Variants in PHACTR3 observed in about 807,000 individuals in gnomAD.
PHACTR3 encodes the protein protein phosphatase 1, regulatory subunit 123.
In PHACTR3, 16 loss-of-function variants were observed where a neutral mutation model predicts 66.8. The observed-to-expected ratio is 0.24, with a 90% CI of 0.16 to 0.36. The LOEUF (loss-of-function observed/expected upper bound fraction) is 0.36. PHACTR3 is among the 10% of genes least tolerant of loss of function. The probability of loss-of-function intolerance (pLI) is 1.00; values close to 1 mark genes in which losing one functional copy is unlikely to be tolerated. For missense variants in PHACTR3, 647 were observed against 719.9 expected (o/e 0.90, Z 1.16); for synonymous variants, 323 against 292.1 (o/e 1.11, Z -1.08).
intron 1 of PHACTR3, among the ~76,000 whole-genome samples, chr20:59,686,539 A>C (rs1231833716): frequency 1.3e-5 from 2 of 149,308 alleles, no homozygotes; most frequent in African/African-American, 4.9e-5. Flanking sequence ...GGTGATGATG[A>C]TGGTCGTGAT....
chr20:59,629,047 C>A (rs1164292264), intron 1 of PHACTR3, among the ~76,000 whole-genome samples: 1 of 152,164 alleles, frequency 6.6e-6, no homozygotes. Context: ...AGCACTTTTG[C>A]TGTTTTTTCA....
intron 7 of PHACTR3, among the ~76,000 whole-genome samples, chr20:59,779,603 TTCTCCCTC>T (rs754936644): frequency 2.8e-4 from 43 of 152,378 alleles, no homozygotes; most frequent in South Asian, 2.1e-3. Flanking sequence ...TATTCATTTA[TTCTCCCTC>T]TCTCCCTCTC....
At chr20:59,641,203 T>C (rs546664956) in intron 1 of PHACTR3, among the ~76,000 whole-genome samples, 35 of 152,304 alleles carry the variant, frequency 2.3e-4, no homozygotes, top group Middle Eastern at 6.8e-3. Flanking sequence ...GTATCTATCA[T>C]CTATCCATTC....
intron 1 of PHACTR3, among the ~76,000 whole-genome samples, chr20:59,692,881 T>A (rs900321777): frequency 6.6e-6 from 1 of 152,226 alleles, no homozygotes; most frequent in Non-Finnish European, 1.5e-5. Flanking sequence ...ATAAAACTTT[T>A]GGGGCATTGT....
At chr20:59,778,085 G>A (rs1601333748) in intron 7 of PHACTR3, among the ~76,000 whole-genome samples, 1 of 152,166 alleles carries the variant, frequency 6.6e-6, no homozygotes, top group Non-Finnish European at 1.5e-5. Flanking sequence ...TCCCCTTGGA[G>A]CAGTTCGCGG....
At chr20:59,781,462 G>C (rs541753673) in intron 7 of PHACTR3, among the ~76,000 whole-genome samples, 1 of 152,160 alleles carries the variant, frequency 6.6e-6, no homozygotes, top group African/African-American at 2.4e-5. Context: ...GCTGCCTTTC[G>C]GTAGCTCACA....
intron 1 of PHACTR3, among the ~76,000 whole-genome samples, chr20:59,688,367 C>T (rs1394917434): frequency 6.6e-6 from 1 of 152,162 alleles, no homozygotes; most frequent in Non-Finnish European, 1.5e-5. Flanking sequence ...AAGCCTCTCC[C>T]CCTTATCCCT....
chr20:59,578,974 C>T (rs1468104384), intron 1 of PHACTR3, among the ~76,000 whole-genome samples: 1 of 152,174 alleles, frequency 6.6e-6, no homozygotes, highest in Non-Finnish European at 1.5e-5. Flanking sequence ...GATGAGGCCC[C>T]TCTAGGGTGC....
chr20:59,646,462 T>G (rs2035283866), intron 1 of PHACTR3, among the ~76,000 whole-genome samples: 1 of 152,166 alleles, frequency 6.6e-6, no homozygotes, highest in Admixed American at 6.5e-5. Context: ...AGTTTTTCCC[T>G]GTCAAAAGAA....
At chr20:59,758,979 G>T (rs112657456) in intron 4 of PHACTR3, among the ~76,000 whole-genome samples, 1 of 152,126 alleles carries the variant, frequency 6.6e-6, no homozygotes. Context: ...TGCTACTGTA[G>T]CATCACTGTT....
chr20:59,629,372 C>T (rs1004008100), intron 1 of PHACTR3, among the ~76,000 whole-genome samples: 2 of 152,224 alleles, frequency 1.3e-5, no homozygotes, highest in Admixed American at 1.3e-4. Context: ...TTCCCCTTCT[C>T]CCTCCGCTGT....
intron 1 of PHACTR3, chr20:59,628,595 T>G (rs1002496225): frequency 1.0e-6 from 1 of 984,868 alleles, no homozygotes; most frequent in Admixed American, 6.1e-5. Flanking sequence ...CGAGTTCTGT[T>G]TGACAAAATT....
At chr20:59,718,943 C>G (rs1479463192) in intron 1 of PHACTR3, among the ~76,000 whole-genome samples, 1 of 152,256 alleles carries the variant, frequency 6.6e-6, no homozygotes, top group Non-Finnish European at 1.5e-5. Context: ...CAAGTGGTGG[C>G]AAGCCCCTCC....
chr20:59,847,124 G>C lies in PHACTR3; in HGVS notation c.1674G>C (p.Arg558Ser). 1 of 1,518,076 alleles carries C rather than the reference G, an allele frequency of 6.6e-7. No individual in the cohort carries two copies. The highest frequency in any genetic ancestry group is 9.1e-7 in the Non-Finnish European group (1 of 1,099,642). 94.0% of individuals were successfully genotyped at this position (1,518,076 alleles called of 1,614,324 possible). ...ASSKHLTRFH[R>S]P Reference sequence around the variant, plus strand: ...TTTTTATAATCTCTAGATTCCACAGGCCATAGAGATTTTCTTCTGAGAAGA... The same window carrying C: ...TTTTTATAATCTCTAGATTCCACAGCCCATAGAGATTTTCTTCTGAGAAGA... Residue 558 changes from arginine to serine, a missense_variant, in exon 13 of 13, where the codon AGG (arginine) becomes AGC (serine). Physicochemically the swap from Arg to Ser is moderately radical, Grantham distance 110 (BLOSUM62 -1). Coordinates refer to ENST00000371015, the MANE Select transcript of PHACTR3 (RefSeq NM_080672.5).
chr20:59,702,732 C>G (rs1477419315), intron 1 of PHACTR3, among the ~76,000 whole-genome samples: 2 of 152,216 alleles, frequency 1.3e-5, no homozygotes, highest in African/African-American at 4.8e-5. Context: ...ATTAGTCTGA[C>G]TACTCCAGTG....
chr20:59,767,052 A>T, intron 4 of PHACTR3, 134 bp from the exon 5 acceptor site: 1 of 764,002 alleles, frequency 1.3e-6, no homozygotes, highest in Non-Finnish European at 2.2e-6. Context: ...GCAGGAAGTC[A>T]AGTGCCTGTG....
At chr20:59,780,787 TG>T (rs2040698937) in intron 7 of PHACTR3, among the ~76,000 whole-genome samples, 1 of 152,208 alleles carries the variant, frequency 6.6e-6, no homozygotes, top group Non-Finnish European at 1.5e-5. Context: ...TTTCTAGCTC[TG>T]TGACCTTGGA....
At chr20:59,635,149 T>TCC (rs1276267237) in intron 1 of PHACTR3, among the ~76,000 whole-genome samples, 1 of 60,378 alleles carries the variant, frequency 1.7e-5, no homozygotes, top group Non-Finnish European at 3.1e-5. Context: ...CTTTCTTTCT[T>TCC]TTTCTTTCTT....
At chr20:59,758,899 A>G (rs2039900690) in intron 4 of PHACTR3, among the ~76,000 whole-genome samples, 1 of 152,192 alleles carries the variant, frequency 6.6e-6, no homozygotes, top group Admixed American at 6.5e-5. Context: ...CTAAAATTAA[A>G]TTAAGTGATC....
Sources: gnomAD v4.1 joint callset for allele counts (sites outside exome capture counted in the v4.1 genomes callset) on GRCh38, gnomAD v4.1.1 for gene constraint, MANE v1.5 for transcripts, NCBI Gene and HGNC (gene_info 2026-07-23, HGNC 2026-07-21) for gene names.